Variants in C1orf185 observed in about 807,000 individuals in gnomAD.
C1orf185 encodes uncharacterized protein C1orf185.
A neutral mutation model predicts 16.1 loss-of-function variants in C1orf185; 13 were observed. That is an observed-to-expected ratio of 0.81 (90% CI 0.53 to 1.28). The LOEUF is 1.28. C1orf185 is among the 50% of genes most tolerant of loss of function. C1orf185 has a pLI of 0.00. For synonymous variants in C1orf185, 80 were observed against 76.9 expected (o/e 1.04, Z -0.21); for missense variants, 220 against 225.2 (o/e 0.98, Z 0.15).
At chr1:51,102,935 C>T (rs1646042354) in intron 1 of C1orf185, among the ~76,000 whole-genome samples, 1 of 151,934 alleles carries the variant, frequency 6.6e-6, no homozygotes, top group Non-Finnish European at 1.5e-5. Flanking sequence ...TTATCTAGTC[C>T]TGTGTATTTT....
rs1646408766 is a variant in C1orf185 at position 51,147,521 on chromosome 1, G to C, written c.350G>C (p.Cys117Ser). 1.3e-6 allele frequency: 2 copies of C among 1,547,380 alleles called. No homozygotes were observed. The highest frequency in any genetic ancestry group is 1.4e-5 in the African/African-American group (1 of 72,816). The change falls in exon 5 of 5, where the codon TGT (cysteine) becomes TCT (serine). Residue 117 changes from cysteine to serine, a missense_variant. Transcript: ENST00000371759. ...CAACTTGCAACAAAAAATATCATTT[G>C]TGATCCCTCAGAGACCAGCTCCACA... ...EPQLATKNII[C>S]DPSETSSTTN...
intron 3 of C1orf185, among the ~76,000 whole-genome samples, chr1:51,135,824 A>C (rs1417827074): frequency 6.6e-6 from 1 of 152,200 alleles, no homozygotes; most frequent in Admixed American, 6.5e-5. Flanking sequence ...AGGCAAGAAA[A>C]AGAAATAAAG....
intron 1 of C1orf185, among the ~76,000 whole-genome samples, chr1:51,105,259 T>C (rs1201008910): frequency 1.3e-5 from 2 of 151,816 alleles, no homozygotes; most frequent in Non-Finnish European, 2.9e-5. Context: ...GAGCCAACGC[T>C]CCCCACCTGT....
At chr1:51,112,604 T>C (rs1261254106) in intron 2 of C1orf185, 35 bp downstream of exon 2, 3 of 1,475,386 alleles carry the variant, frequency 2.0e-6, no homozygotes, top group Non-Finnish European at 2.7e-6. Flanking sequence ...TAACCTTTTT[T>C]TCTTTTAAAA....
At chr1:51,149,373 G>C (rs1247972168), downstream of C1orf185, among the ~76,000 whole-genome samples, 6 of 152,160 alleles carry the variant, frequency 3.9e-5, no homozygotes, top group Non-Finnish European at 8.8e-5. Flanking sequence ...TGTAAAAGGA[G>C]TTAGAACCAC....
At chr1:51,144,910 A>G (rs988250330) in intron 3 of C1orf185, among the ~76,000 whole-genome samples, 8 of 152,042 alleles carry the variant, frequency 5.3e-5, no homozygotes, top group African/African-American at 1.9e-4. Context: ...TTGTTTATCT[A>G]GTGATCTAAG....
At chr1:51,149,464 T>C (rs1363463810), downstream of C1orf185, among the ~76,000 whole-genome samples, 4 of 152,170 alleles carry the variant, frequency 2.6e-5, no homozygotes, top group Non-Finnish European at 5.9e-5. Context: ...CACCTAAATC[T>C]AAGTAAGCTC....
intron 1 of C1orf185, among the ~76,000 whole-genome samples, chr1:51,106,724 GAAC>G (rs2148008179): frequency 6.6e-6 from 1 of 151,466 alleles, no homozygotes; most frequent in African/African-American, 2.4e-5. Flanking sequence ...CCTCATAAAT[GAAC>G]ATTTTTTTGT....
chr1:51,142,885 T>G (rs1252942114), intron 3 of C1orf185, among the ~76,000 whole-genome samples: 2 of 152,076 alleles, frequency 1.3e-5, no homozygotes, highest in African/African-American at 4.8e-5. Flanking sequence ...TGCCTCAGCC[T>G]CCCAAGTAGC....
chr1:51,129,904 T>C (rs909605255), intron 3 of C1orf185, among the ~76,000 whole-genome samples: 5 of 152,158 alleles, frequency 3.3e-5, no homozygotes, highest in African/African-American at 1.2e-4. Flanking sequence ...TATCATCACA[T>C]TGAGGGTTAA....
chr1:51,118,500 A>G (rs1646173797), intron 2 of C1orf185, among the ~76,000 whole-genome samples, 166 bp from the exon 3 acceptor site: 1 of 152,216 alleles, frequency 6.6e-6, no homozygotes, highest in Non-Finnish European at 1.5e-5. Flanking sequence ...GAAATCTAAC[A>G]TATGAGTAGG....
chr1:51,141,198 G>T (rs1646361967), intron 3 of C1orf185, among the ~76,000 whole-genome samples: 1 of 152,148 alleles, frequency 6.6e-6, no homozygotes, highest in East Asian at 1.9e-4. Context: ...GTGATATTAA[G>T]AAGAGATAAG....
At chr1:51,138,870 C>A (rs987447642) in intron 3 of C1orf185, among the ~76,000 whole-genome samples, 2 of 151,730 alleles carry the variant, frequency 1.3e-5, no homozygotes, top group Non-Finnish European at 2.9e-5. Context: ...GTATTTTTAG[C>A]AGAGGTGGGG....
intron 2 of C1orf185, among the ~76,000 whole-genome samples, chr1:51,112,915 G>A (rs927910063): frequency 1.3e-5 from 2 of 151,834 alleles, no homozygotes; most frequent in East Asian, 1.9e-4. Context: ...CACCTCCTGG[G>A]TTCAAGCGAT....
chr1:51,151,540 A>G (rs1008431203), downstream of C1orf185, among the ~76,000 whole-genome samples: 1 of 152,186 alleles, frequency 6.6e-6, no homozygotes, highest in African/African-American at 2.4e-5. Context: ...CAACTGCCAC[A>G]GTAAGACTGT....
intron 3 of C1orf185, among the ~76,000 whole-genome samples, chr1:51,138,594 G>A (rs142698760): frequency 2.9e-3 from 439 of 151,974 alleles, no homozygotes; most frequent in Non-Finnish European, 4.5e-3. Flanking sequence ...GGCTTTCACC[G>A]TGTTAACTAG....
At chr1:51,102,404 G>T in intron 1 of C1orf185, 155 bp downstream of exon 1, 1 of 441,202 alleles carries the variant, frequency 2.3e-6, no homozygotes, top group Non-Finnish European at 4.1e-6. Context: ...AAATTGTAAA[G>T]TTATTGGGGC....
At chr1:51,127,018 A>G (rs1646245493) in intron 3 of C1orf185, among the ~76,000 whole-genome samples, 1 of 151,336 alleles carries the variant, frequency 6.6e-6, no homozygotes, top group African/African-American at 2.4e-5. Flanking sequence ...TGGGTTATGT[A>G]TTTTGGGGAA....
intron 3 of C1orf185, among the ~76,000 whole-genome samples, chr1:51,128,297 G>A (rs1216851842): frequency 6.6e-6 from 1 of 152,180 alleles, no homozygotes; most frequent in African/African-American, 2.4e-5. Context: ...CAAAGTGATT[G>A]TAACTTATTT....
Sources: allele counts gnomAD v4.1 joint callset (sites outside exome capture counted in the v4.1 genomes callset), GRCh38; gene constraint gnomAD v4.1.1; transcripts MANE v1.5; gene names NCBI Gene and HGNC (gene_info 2026-07-23, HGNC 2026-07-21).